The following MAGI2 variants were observed in gnomAD, a reference collection of about 807,000 sequenced individuals.
The protein encoded by MAGI2 is membrane associated guanylate kinase, WW and PDZ domain containing 2, also known as membrane-associated guanylate kinase, WW and PDZ domain-containing protein 2.
Under a neutral mutation model 133.3 loss-of-function variants are expected in MAGI2, and 35 were observed. The ratio of observed to expected loss-of-function variants is 0.26; its 90% CI spans 0.20 to 0.35. The LOEUF (loss-of-function observed/expected upper bound fraction) is 0.35. Among genes scored for constraint, MAGI2 ranks in the 10% least tolerant of loss-of-function variants. The probability of loss-of-function intolerance (pLI) is 1.00; values close to 1 mark genes in which losing one functional copy is unlikely to be tolerated. For missense variants in MAGI2, 1,636 were observed against 1,863.4 expected (o/e 0.88, Z 2.25); for synonymous variants, 729 against 710.6 (o/e 1.03, Z -0.41).
chr7:78,285,675 T>C (rs1468084528), intron 9 of MAGI2: 1 of 152,158 alleles, frequency 6.6e-6, no homozygotes, highest in Non-Finnish European at 1.5e-5. Context: ...AGCTCAGCAG[T>C]GTTTCTTAAA....
chr7:78,848,708 G>T (rs1199083691), intron 2 of MAGI2, among the ~76,000 whole-genome samples: 1 of 151,966 alleles, frequency 6.6e-6, no homozygotes, highest in African/African-American at 2.4e-5. Context: ...TTCTCTGCCT[G>T]CTGTTTCCTC....
intron 1 of MAGI2, among the ~76,000 whole-genome samples, chr7:79,449,511 T>C (rs192261654): frequency 1.3e-5 from 2 of 152,182 alleles, no homozygotes; most frequent in African/African-American, 4.8e-5. Flanking sequence ...CTGTGAACTT[T>C]AGTGGCAAAC....
chr7:78,954,059 T>A (rs1215370131), intron 2 of MAGI2, among the ~76,000 whole-genome samples: 1 of 151,928 alleles, frequency 6.6e-6, no homozygotes, highest in Non-Finnish European at 1.5e-5. Flanking sequence ...GACATCAGAG[T>A]TTTTATGTTG....
intron 9 of MAGI2, among the ~76,000 whole-genome samples, chr7:78,275,848 T>G (rs1795010318): frequency 6.8e-6 from 1 of 147,388 alleles, no homozygotes; most frequent in African/African-American, 2.7e-5. Flanking sequence ...GCCCTTTAGC[T>G]GACTGTAAAT....
intron 3 of MAGI2, chr7:78,614,335 A>G (rs1365979548): frequency 6.6e-5 from 10 of 151,758 alleles, no homozygotes; most frequent in African/African-American, 2.4e-4. Flanking sequence ...ACATACTATC[A>G]TGCTGAGGTT....
intron 1 of MAGI2, among the ~76,000 whole-genome samples, chr7:79,266,380 C>A (rs1351142986): frequency 6.6e-6 from 1 of 151,878 alleles, no homozygotes; most frequent in Non-Finnish European, 1.5e-5. Context: ...CTTATTTTTC[C>A]AAACCATCAC....
chr7:79,214,360 C>CCCCTCT (rs1430863977), intron 1 of MAGI2, among the ~76,000 whole-genome samples: 2 of 27,560 alleles, frequency 7.3e-5, no homozygotes, highest in African/African-American at 2.9e-4. Context: ...GCATTACGCA[C>CCCCTCT]CTCTCTCTCT....
At chr7:78,740,650 C>T (rs1822322750) in intron 2 of MAGI2, among the ~76,000 whole-genome samples, 1 of 152,162 alleles carries the variant, frequency 6.6e-6, no homozygotes, top group Non-Finnish European at 1.5e-5. Context: ...CAGTTTTTAG[C>T]ATCACTGATA....
Position 79,377,279 on chromosome 7 carries a change from A to G in MAGI2, c.301+75741T>C, listed in dbSNP as rs143764667. Among the ~76,000 whole-genome samples, 16 of 151,920 alleles carry G rather than the reference A, an allele frequency of 1.1e-4. No individual in the cohort carries two copies. The East Asian group carries it at 2.5e-3, about 24-fold the overall frequency. ...AGTACCAAACTGAAGAAAAATGTGCATGATTCAGCACAATAGGAAACTTGA... is the reference window on the plus strand; with the variant it reads ...AGTACCAAACTGAAGAAAAATGTGCGTGATTCAGCACAATAGGAAACTTGA... On this transcript the variant is annotated intron_variant, in intron 1 of 21. Transcript: ENST00000354212.
intron 1 of MAGI2, among the ~76,000 whole-genome samples, chr7:79,332,084 A>C (rs1315636237): frequency 6.6e-6 from 1 of 152,186 alleles, no homozygotes; most frequent in Non-Finnish European, 1.5e-5. Context: ...CTTTAATCCT[A>C]ATATTCACTT....
chr7:78,581,220 T>C (rs911890807), intron 3 of MAGI2, among the ~76,000 whole-genome samples: 1 of 152,136 alleles, frequency 6.6e-6, no homozygotes, highest in Non-Finnish European at 1.5e-5. Context: ...AGGATATGTA[T>C]AAGCACCTTG....
chr7:79,207,913 G>A (rs1190965111), intron 1 of MAGI2, among the ~76,000 whole-genome samples: 1 of 151,896 alleles, frequency 6.6e-6, no homozygotes, highest in Non-Finnish European at 1.5e-5. Context: ...TTTTGACAAA[G>A]CAGCCAAGAA....
intron 6 of MAGI2, among the ~76,000 whole-genome samples, chr7:78,424,525 C>T (rs187332116): frequency 1.3e-5 from 2 of 152,172 alleles, no homozygotes; most frequent in Non-Finnish European, 2.9e-5. Context: ...TCCTCCAGAC[C>T]CCAGAATGGT....
At chr7:78,828,016 C>G (rs982491450) in intron 2 of MAGI2, among the ~76,000 whole-genome samples, 1 of 152,184 alleles carries the variant, frequency 6.6e-6, no homozygotes, top group African/African-American at 2.4e-5. Context: ...TCCCAAGTAG[C>G]TTGGACTACA....
chr7:78,552,877 C>G (rs1013305806), intron 3 of MAGI2, among the ~76,000 whole-genome samples: 3 of 151,982 alleles, frequency 2.0e-5, no homozygotes, highest in Admixed American at 6.6e-5. Context: ...AGGCAGAGTA[C>G]GGGGCCAAAG....
intron 21 of MAGI2, among the ~76,000 whole-genome samples, chr7:78,059,829 C>T (rs2151132196): frequency 6.7e-6 from 1 of 149,796 alleles, no homozygotes. Context: ...ATATAAGAGG[C>T]AAATTTGGTT....
At chr7:79,411,174 C>A (rs2158708) in intron 1 of MAGI2, 35,001 of 151,970 alleles carry the variant, frequency 0.23, 5,004 homozygotes, top group East Asian at 0.4. Flanking sequence ...GCAGTAACAG[C>A]TTTTCATCTT....
intron 21 of MAGI2, among the ~76,000 whole-genome samples, chr7:78,072,198 AACT>A (rs1195826877): frequency 2.6e-5 from 4 of 152,242 alleles, no homozygotes; most frequent in African/African-American, 9.6e-5. Context: ...TCTTCAGAAA[AACT>A]ACTAATTATT....
At chr7:78,139,411 C>G (rs1822512340) in intron 16 of MAGI2, among the ~76,000 whole-genome samples, 1 of 152,134 alleles carries the variant, frequency 6.6e-6, no homozygotes, top group Admixed American at 6.5e-5. Flanking sequence ...TCTCTGAAAA[C>G]AAGATGCAGT....
Sources: allele counts gnomAD v4.1 joint callset (sites outside exome capture counted in the v4.1 genomes callset), GRCh38; gene constraint gnomAD v4.1.1; transcripts MANE v1.5; gene names NCBI Gene and HGNC (gene_info 2026-07-23, HGNC 2026-07-21).